FAF1: variants seen among roughly 807,000 people sequenced by gnomAD.
FAF1 encodes FAS-associated factor 1.
FAF1 carries 25 observed loss-of-function variants against 92.5 expected under a neutral mutation model. The observed-to-expected ratio is 0.27, with a 90% CI of 0.20 to 0.38. The LOEUF (loss-of-function observed/expected upper bound fraction) is 0.38, where lower values mean the gene tolerates loss of function less well. Ranked by LOEUF, FAF1 falls within the 10% of genes least tolerant of loss-of-function variation. The pLI is 1.00. For missense variants in FAF1, 636 were observed against 793.3 expected (o/e 0.80, Z 2.38); for synonymous variants, 234 against 273.2 (o/e 0.86, Z 1.42).
chr1:50,562,772 C>A (rs941877292), intron 13 of FAF1, among the ~76,000 whole-genome samples: 1 of 152,176 alleles, frequency 6.6e-6, no homozygotes, highest in Non-Finnish European at 1.5e-5. Flanking sequence ...GATGACAGCA[C>A]CATTCCTGGT....
intron 4 of FAF1, among the ~76,000 whole-genome samples, chr1:50,762,690 C>A (rs12078669): frequency 0.02 from 3,006 of 152,026 alleles, 92 homozygotes; most frequent in African/African-American, 0.07. Context: ...AAATTAATTC[C>A]AGATGGATTA....
Position 50,613,224 on chromosome 1 carries a change from A to C in FAF1, c.745-17008T>G, listed in dbSNP as rs983941618. Among the ~76,000 whole-genome samples, 16 of 152,234 alleles carry C rather than the reference A, an allele frequency of 1.1e-4. No individual in the cohort carries two copies. In the East Asian group the frequency reaches 3.1e-3, roughly 29 times the overall value. The stretch of plus-strand genomic sequence containing the variant: ...TAAAAACTATCATTAGAGTTTAAAT[A>C]ACTATCTGATTGACATCTGGGCCTC... On this transcript the variant is annotated intron_variant, in intron 8 of 18. Coordinates refer to ENST00000396153, the MANE Select transcript of FAF1 (RefSeq NM_007051.3).
chr1:50,889,937 A>G (rs1200613668), intron 1 of FAF1, among the ~76,000 whole-genome samples: 1 of 152,252 alleles, frequency 6.6e-6, no homozygotes, highest in East Asian at 1.9e-4. Context: ...TTTCTGTCTC[A>G]CTGATCTGTC....
chr1:50,892,293 G>A (rs1355206460), intron 1 of FAF1, among the ~76,000 whole-genome samples: 2 of 152,166 alleles, frequency 1.3e-5, no homozygotes, highest in African/African-American at 2.4e-5. Context: ...ATTCCCTGAC[G>A]CTTCATGCTT....
intron 15 of FAF1, among the ~76,000 whole-genome samples, chr1:50,492,378 G>GT (rs989426851): frequency 2.0e-5 from 3 of 152,132 alleles, no homozygotes; most frequent in Admixed American, 6.5e-5. Context: ...TACCAATTTA[G>GT]TATTTCCCCA....
At chr1:50,871,863 A>G (rs1327634297) in intron 1 of FAF1, among the ~76,000 whole-genome samples, 1 of 152,144 alleles carries the variant, frequency 6.6e-6, no homozygotes, top group Non-Finnish European at 1.5e-5. Flanking sequence ...CAGGAGATCG[A>G]GACCATCCTG....
At chr1:50,954,312 T>C (rs1281104916) in intron 1 of FAF1, among the ~76,000 whole-genome samples, 2 of 152,154 alleles carry the variant, frequency 1.3e-5, no homozygotes, top group African/African-American at 2.4e-5. Flanking sequence ...GTTCTTTTTC[T>C]TTCTTCACTT....
intron 1 of FAF1, among the ~76,000 whole-genome samples, chr1:50,888,924 G>A (rs1417148409): frequency 6.6e-6 from 1 of 152,180 alleles, no homozygotes; most frequent in Admixed American, 6.5e-5. Context: ...GATTGGAATA[G>A]TTTCAGAAGG....
intron 8 of FAF1, among the ~76,000 whole-genome samples, chr1:50,618,005 T>C (rs985518242): frequency 6.6e-6 from 1 of 152,118 alleles, no homozygotes; most frequent in Non-Finnish European, 1.5e-5. Flanking sequence ...TGTAATGTCA[T>C]CTTTGTCATT....
intron 4 of FAF1, among the ~76,000 whole-genome samples, chr1:50,784,380 C>G (rs913859464): frequency 6.6e-6 from 1 of 151,952 alleles, no homozygotes; most frequent in African/African-American, 2.4e-5. Context: ...TAAAAATCAG[C>G]TGCATTTCTA....
intron 1 of FAF1, among the ~76,000 whole-genome samples, chr1:50,868,601 G>A (rs2124677705): frequency 6.6e-6 from 1 of 152,166 alleles, no homozygotes; most frequent in South Asian, 2.1e-4. Context: ...TTATATGTAT[G>A]TTCATTATCA....
chr1:50,852,962 A>T (rs1644362898), intron 2 of FAF1, among the ~76,000 whole-genome samples: 1 of 152,198 alleles, frequency 6.6e-6, no homozygotes, highest in South Asian at 2.1e-4. Flanking sequence ...TGATATGATG[A>T]GCTATTCTTT....
chr1:50,918,606 G>A (rs1644939098), intron 1 of FAF1, among the ~76,000 whole-genome samples: 1 of 40,654 alleles, frequency 2.5e-5, no homozygotes, highest in Non-Finnish European at 4.8e-5. Context: ...TGGACATTTG[G>A]GTTGGTTCCA....
chr1:50,958,750 A>G (rs1645291350), intron 1 of FAF1, among the ~76,000 whole-genome samples: 1 of 152,182 alleles, frequency 6.6e-6, no homozygotes, highest in South Asian at 2.1e-4. Flanking sequence ...GAAAAGCCCA[A>G]CAAAATTTCA....
chr1:50,524,707 T>G (rs1257882731), intron 15 of FAF1, among the ~76,000 whole-genome samples: 2 of 152,174 alleles, frequency 1.3e-5, no homozygotes, highest in African/African-American at 4.8e-5. Flanking sequence ...GTGTGCGGTC[T>G]TATTTCTGAG....
intron 1 of FAF1, among the ~76,000 whole-genome samples, chr1:50,952,265 G>A (rs1205079764): frequency 1.3e-5 from 2 of 152,124 alleles, no homozygotes; most frequent in Non-Finnish European, 1.5e-5. Flanking sequence ...GCGCCGCCAC[G>A]CCTGACTGGT....
At chr1:50,705,411 AT>A in intron 7 of FAF1, among the ~76,000 whole-genome samples, 2 of 152,248 alleles carry the variant, frequency 1.3e-5, no homozygotes, top group African/African-American at 4.8e-5. Context: ...AGTACACAAT[AT>A]AAATAATTAT....
chr1:50,475,819 T>C (rs977996079), intron 17 of FAF1, 140 bp from the exon 18 acceptor site: 1 of 549,226 alleles, frequency 1.8e-6, no homozygotes, highest in African/African-American at 1.9e-5. Context: ...CCAAGCCAAA[T>C]GCTTGAACAA....
Position 50,505,837 on chromosome 1 carries a change from T to C in FAF1, c.1495-14036A>G, listed in dbSNP as rs545633165. Among the ~76,000 whole-genome samples the C allele has an allele frequency of 5.3e-5, 8 of 152,322 alleles. No homozygotes were observed. In the South Asian group the frequency reaches 1.7e-3, roughly 32 times the overall value. On this transcript the variant is annotated intron_variant, in intron 15 of 18. Transcript: ENST00000396153. ...ATGTTGGTTTCAGCCTTCTAAACTT[T>C]CAACTTTCACTAAGCAGGGAATAAA...
Sources: gnomAD v4.1 joint callset for allele counts (sites outside exome capture counted in the v4.1 genomes callset) on GRCh38, gnomAD v4.1.1 for gene constraint, MANE v1.5 for transcripts, NCBI Gene and HGNC (gene_info 2026-07-23, HGNC 2026-07-21) for gene names.